Variants in ADARB2 observed in about 807,000 individuals in gnomAD.
ADARB2 encodes the protein inactive double-stranded RNA-specific editase B2.
Under a neutral mutation model 62.2 loss-of-function variants are expected in ADARB2, and 25 were observed. That is an observed-to-expected ratio of 0.40 (90% CI 0.29 to 0.56). The LOEUF is 0.56. Ranked by LOEUF, ADARB2 falls within the 20% of genes least tolerant of loss-of-function variation. The probability of loss-of-function intolerance (pLI) is 0.43; values close to 1 mark genes in which losing one functional copy is unlikely to be tolerated. For synonymous variants in ADARB2, 572 were observed against 500.8 expected (o/e 1.14, Z -1.90); for missense variants, 1,071 against 1,077.4 (o/e 0.99, Z 0.08).
chr10:1,640,958 C>T (rs1412379838), intron 1 of ADARB2, among the ~76,000 whole-genome samples: 4 of 152,188 alleles, frequency 2.6e-5, no homozygotes, highest in Admixed American at 2.0e-4. Context: ...TTGCAAGATC[C>T]GAAATTCACT....
At chr10:1,373,825 G>A (rs558770168) in intron 2 of ADARB2, among the ~76,000 whole-genome samples, 1 of 149,226 alleles carries the variant, frequency 6.7e-6, no homozygotes, top group African/African-American at 2.4e-5. Context: ...CGTGGACTCC[G>A]CGCACCCTTC....
intron 3 of ADARB2, among the ~76,000 whole-genome samples, chr10:1,353,157 T>C (rs907042703): frequency 6.6e-6 from 1 of 152,224 alleles, no homozygotes; most frequent in African/African-American, 2.4e-5. Flanking sequence ...CGCCTAGGAC[T>C]GGCAACTCTT....
intron 1 of ADARB2, among the ~76,000 whole-genome samples, chr10:1,735,104 T>C (rs947060947): frequency 1.3e-4 from 20 of 152,304 alleles, no homozygotes; most frequent in African/African-American, 4.6e-4. Flanking sequence ...TGCCGGCAGG[T>C]GCCCTGGGAA....
At chr10:1,674,596 T>C (rs541444123) in intron 1 of ADARB2, among the ~76,000 whole-genome samples, 1 of 152,274 alleles carries the variant, frequency 6.6e-6, no homozygotes, top group South Asian at 2.1e-4. Flanking sequence ...TGTCAAGCCC[T>C]TTGGTTGTGT....
At chr10:1,218,601 A>C (rs1408791283) in intron 6 of ADARB2, among the ~76,000 whole-genome samples, 1 of 152,110 alleles carries the variant, frequency 6.6e-6, no homozygotes, top group South Asian at 2.1e-4. Context: ...ACTGAAATCC[A>C]TGTTGACATG....
intron 1 of ADARB2, among the ~76,000 whole-genome samples, chr10:1,494,576 A>G (rs918054346): frequency 6.6e-6 from 1 of 152,206 alleles, no homozygotes; most frequent in Non-Finnish European, 1.5e-5. Context: ...TGTTATTTTC[A>G]GCTTGGCAGA....
At chr10:1,250,688 T>A (rs945901955) in intron 4 of ADARB2, among the ~76,000 whole-genome samples, 14 of 152,188 alleles carry the variant, frequency 9.2e-5, no homozygotes, top group African/African-American at 2.9e-4. Context: ...CACTATTTTT[T>A]ATAAAGTACC....
At chr10:1,309,046 G>A (rs1831659243) in intron 3 of ADARB2, among the ~76,000 whole-genome samples, 1 of 152,166 alleles carries the variant, frequency 6.6e-6, no homozygotes, top group Non-Finnish European at 1.5e-5. Context: ...TTTAACTGAT[G>A]GATATTTAGA....
At chr10:1,495,647 AAAGTACAAACTTTTCTAG>A (rs1831678696) in intron 1 of ADARB2, among the ~76,000 whole-genome samples, 1 of 66,262 alleles carries the variant, frequency 1.5e-5, no homozygotes, top group Non-Finnish European at 4.1e-5. Flanking sequence ...AATATGATGA[AAAGTACAAACTTTTCTAG>A]TCATCATGGT....
chr10:1,350,349 C>T lies in ADARB2; in HGVS notation c.1077+12679G>A, dbSNP rs184925996. 2.4e-3 allele frequency among the ~76,000 whole-genome samples: 363 copies of T among 152,208 alleles called. 1 individual carries two copies. The highest frequency in any genetic ancestry group is 6.5e-3 in the Admixed American group (100 of 15,290). Reference sequence around the variant, plus strand: ...TGAGTCTTTCCTCTTTCCAATCTTCCTTTTCTACAGACCCATCTGACCCCT... The same window carrying T: ...TGAGTCTTTCCTCTTTCCAATCTTCTTTTTCTACAGACCCATCTGACCCCT... On this transcript the variant is annotated intron_variant, in intron 3 of 9. Transcript: ENST00000381312.
At chr10:1,206,074 G>A (rs1564219867) in intron 7 of ADARB2, among the ~76,000 whole-genome samples, 2 of 152,226 alleles carry the variant, frequency 1.3e-5, no homozygotes, top group Non-Finnish European at 2.9e-5. Flanking sequence ...ATTATTTTCA[G>A]TAAATTACTT....
intron 1 of ADARB2, among the ~76,000 whole-genome samples, chr10:1,683,879 G>C (rs928959078): frequency 6.6e-6 from 1 of 152,230 alleles, no homozygotes; most frequent in Admixed American, 6.5e-5. Context: ...GGTGGACTCT[G>C]TAAACGGAGC....
chr10:1,672,991 A>G (rs1412030848), intron 1 of ADARB2, among the ~76,000 whole-genome samples: 4 of 152,118 alleles, frequency 2.6e-5, no homozygotes, highest in Non-Finnish European at 4.4e-5. Flanking sequence ...GTTTCCAGAG[A>G]CACCAACAGC....
chr10:1,657,484 C>T (rs528175466), intron 1 of ADARB2, among the ~76,000 whole-genome samples: 1 of 152,180 alleles, frequency 6.6e-6, no homozygotes, highest in East Asian at 1.9e-4. Flanking sequence ...TTTGTCTTTC[C>T]TCCTCTCTTG....
chr10:1,383,917 C>A (rs916327639), intron 1 of ADARB2, among the ~76,000 whole-genome samples: 5 of 152,176 alleles, frequency 3.3e-5, no homozygotes, highest in Non-Finnish European at 5.9e-5. Context: ...CTGGATTTTT[C>A]TTCCTTGCCT....
chr10:1,264,838 G>GT (rs1284140375), intron 4 of ADARB2, among the ~76,000 whole-genome samples: 2 of 152,162 alleles, frequency 1.3e-5, no homozygotes, highest in Admixed American at 1.3e-4. Flanking sequence ...GCAGTTGTAA[G>GT]TCAGTCCAAG....
chr10:1,290,217 G>A (rs1255247196), intron 3 of ADARB2: 1 of 29,302 alleles, frequency 3.4e-5, no homozygotes, highest in South Asian at 1.6e-3. Context: ...TGTCTGACAA[G>A]TGGATTCTGT....
chr10:1,284,384 C>T (rs1424192838), intron 3 of ADARB2, among the ~76,000 whole-genome samples: 4 of 152,080 alleles, frequency 2.6e-5, no homozygotes, highest in Non-Finnish European at 5.9e-5. Context: ...GCTTCAAGCA[C>T]CCTAGATGTA....
chr10:1,462,751 G>A (rs1831193920), intron 1 of ADARB2, among the ~76,000 whole-genome samples: 1 of 151,836 alleles, frequency 6.6e-6, no homozygotes, highest in Admixed American at 6.6e-5. Flanking sequence ...CTGTGTGTAT[G>A]TATGCATGTG....
Sources: allele counts gnomAD v4.1 joint callset (sites outside exome capture counted in the v4.1 genomes callset), GRCh38; gene constraint gnomAD v4.1.1; transcripts MANE v1.5; gene names NCBI Gene and HGNC (gene_info 2026-07-23, HGNC 2026-07-21).